The following ABI1 variants were observed in gnomAD, a reference collection of about 807,000 sequenced individuals.
The protein encoded by ABI1 is Abelson interactor 1.
A neutral mutation model predicts 54.6 loss-of-function variants in ABI1; 14 were observed. That is an observed-to-expected ratio of 0.26 (90% CI 0.17 to 0.40). The LOEUF (loss-of-function observed/expected upper bound fraction) is 0.40, where lower values mean the gene tolerates loss of function less well. Among genes scored for constraint, ABI1 ranks in the 10% least tolerant of loss-of-function variants. The pLI, the probability that ABI1 is intolerant of heterozygous loss-of-function variation, is 1.00. For missense variants in ABI1, 443 were observed against 598.3 expected (o/e 0.74, Z 2.71); for synonymous variants, 194 against 209.3 (o/e 0.93, Z 0.63).
intron 1 of ABI1, among the ~76,000 whole-genome samples, chr10:26,834,583 AC>A (rs2048912974): frequency 6.6e-6 from 1 of 151,868 alleles, no homozygotes; most frequent in South Asian, 2.1e-4. Flanking sequence ...ACACACACAC[AC>A]ACACACACAC....
intron 7 of ABI1, among the ~76,000 whole-genome samples, chr10:26,761,615 GTC>G (rs1288710440): frequency 1.8e-5 from 1 of 55,638 alleles, no homozygotes; most frequent in Non-Finnish European, 3.3e-5. Flanking sequence ...AATAGTTTTT[GTC>G]ATATATATAT....
chr10:26,810,583 C>T (rs1021690688), intron 2 of ABI1, among the ~76,000 whole-genome samples: 5 of 152,084 alleles, frequency 3.3e-5, no homozygotes, highest in East Asian at 1.9e-4. Context: ...TCTGTCGTAA[C>T]GACTCAACTT....
At chr10:26,782,430 A>G (rs1564492322) in intron 2 of ABI1, among the ~76,000 whole-genome samples, 1 of 152,174 alleles carries the variant, frequency 6.6e-6, no homozygotes, top group East Asian at 1.9e-4. Flanking sequence ...TCCAAAGAAG[A>G]CAGGCAAATA....
chr10:26,823,599 A>G (rs1466594000), intron 1 of ABI1, among the ~76,000 whole-genome samples: 1 of 152,124 alleles, frequency 6.6e-6, no homozygotes, highest in African/African-American at 2.4e-5. Context: ...GACCCTTTCC[A>G]TCACCAATTC....
chr10:26,750,121 A>G (rs1837423077), intron 10 of ABI1, among the ~76,000 whole-genome samples: 1 of 152,252 alleles, frequency 6.6e-6, no homozygotes, highest in Admixed American at 6.5e-5. Flanking sequence ...CTCGTAAGTA[A>G]CAACAGCTCT....
intron 2 of ABI1, among the ~76,000 whole-genome samples, chr10:26,779,490 G>A (rs1277234130): frequency 6.6e-6 from 1 of 152,150 alleles, no homozygotes; most frequent in Non-Finnish European, 1.5e-5. Flanking sequence ...AGGGAGACAG[G>A]GGCACATAAG....
At chr10:26,851,095 G>T (rs1158771109) in intron 1 of ABI1, among the ~76,000 whole-genome samples, 1 of 152,150 alleles carries the variant, frequency 6.6e-6, no homozygotes, top group Non-Finnish European at 1.5e-5. Context: ...ACTAAAATGG[G>T]AAAGAATTTT....
At chr10:26,749,675 T>A (rs1177003450) in intron 10 of ABI1, among the ~76,000 whole-genome samples, 1 of 152,216 alleles carries the variant, frequency 6.6e-6, no homozygotes, top group East Asian at 1.9e-4. Context: ...ATGCTTAGCC[T>A]ATATTCACTT....
chr10:26,860,442 T>C lies in ABI1; in HGVS notation c.117+305A>G, dbSNP rs967049919. Among the ~76,000 whole-genome samples, 1 of 152,134 alleles carries C rather than the reference T, an allele frequency of 6.6e-6. No individual in the cohort carries two copies. The highest frequency in any genetic ancestry group is 2.4e-5 in the African/African-American group (1 of 41,434). On this transcript the variant is annotated intron_variant, in intron 1 of 10. Coordinates refer to ENST00000376140, the MANE Select transcript of ABI1 (RefSeq NM_001012750.3). This position sits in a 1 kb window ranked among gnomAD's most constrained non-coding sequence, Gnocchi z 4.1. The stretch of plus-strand genomic sequence containing the variant: ...GCGCGCGACCCCGGTGGCCGGGCCC[T>C]GGGGGAAGCGGACGCGAGGGGGGCG...
intron 2 of ABI1, among the ~76,000 whole-genome samples, chr10:26,781,273 AAC>A (rs1842066496): frequency 1.3e-5 from 2 of 152,258 alleles, no homozygotes; most frequent in South Asian, 4.1e-4. Context: ...GGAAAGGCCC[AAC>A]AAGCCTCTGT....
At chr10:26,848,929 C>T (rs1309243131) in intron 1 of ABI1, among the ~76,000 whole-genome samples, 1 of 152,092 alleles carries the variant, frequency 6.6e-6, no homozygotes, top group Non-Finnish European at 1.5e-5. Flanking sequence ...CCATAAGAAA[C>T]TTTACATTTT....
At chr10:26,828,779 A>AATT (rs2048471134) in intron 1 of ABI1, among the ~76,000 whole-genome samples, 1 of 152,250 alleles carries the variant, frequency 6.6e-6, no homozygotes. Context: ...TTAATACTGA[A>AATT]ATTATTACCG....
At chr10:26,773,562 A>T (rs1005550989) in intron 3 of ABI1, among the ~76,000 whole-genome samples, 29 of 150,994 alleles carry the variant, frequency 1.9e-4, no homozygotes, top group East Asian at 3.9e-4. Flanking sequence ...AATAAAAATT[A>T]AAAAAAAATC....
At chr10:26,749,308 A>T (rs1446492027) in intron 10 of ABI1, among the ~76,000 whole-genome samples, 1 of 152,174 alleles carries the variant, frequency 6.6e-6, no homozygotes, top group Non-Finnish European at 1.5e-5. Context: ...TGGTGTCTGT[A>T]ATTTTTTCAG....
chr10:26,850,584 G>A (rs140140150), intron 1 of ABI1, among the ~76,000 whole-genome samples: 142 of 152,024 alleles, frequency 9.3e-4, no homozygotes, highest in African/African-American at 3.3e-3. Context: ...CCTGAACCTG[G>A]GAGGCAGAGG....
chr10:26,783,850 T>C (rs186933310), intron 2 of ABI1, among the ~76,000 whole-genome samples: 1 of 152,148 alleles, frequency 6.6e-6, no homozygotes, highest in African/African-American at 2.4e-5. Flanking sequence ...TGGACAAAAG[T>C]AGGAGACATA....
At chr10:26,830,982 G>T (rs2048635257) in intron 1 of ABI1, among the ~76,000 whole-genome samples, 1 of 152,060 alleles carries the variant, frequency 6.6e-6, no homozygotes, top group Admixed American at 6.6e-5. Flanking sequence ...CTGCAGCCTT[G>T]ATCTCCTGGG....
chr10:26,857,350 A>AAAAAAAC, intron 1 of ABI1, among the ~76,000 whole-genome samples: 1 of 129,330 alleles, frequency 7.7e-6, no homozygotes, highest in South Asian at 2.5e-4. Flanking sequence ...AAAAAAAAAA[A>AAAAAAAC]CACTTTCTGG....
intron 1 of ABI1, among the ~76,000 whole-genome samples, chr10:26,851,554 T>A (rs147772335): frequency 6.6e-6 from 1 of 152,038 alleles, no homozygotes; most frequent in Non-Finnish European, 1.5e-5. Context: ...TAGATGAGTA[T>A]ATGAAGTCAA....
Sources: gnomAD v4.1 joint callset for allele counts (sites outside exome capture counted in the v4.1 genomes callset) on GRCh38, gnomAD v4.1.1 for gene constraint, Gnocchi (gnomAD v3.1) non-coding constraint, MANE v1.5 for transcripts, NCBI Gene and HGNC (gene_info 2026-07-23, HGNC 2026-07-21) for gene names.